The following RBM33 variants were observed in gnomAD, a reference collection of about 807,000 sequenced individuals.
RBM33 encodes the protein RNA binding motif protein 33.
RBM33 carries 28 observed loss-of-function variants against 132.6 expected under a neutral mutation model. The observed-to-expected ratio is 0.21, with a 90% confidence interval of 0.16 to 0.29. RBM33 has a LOEUF of 0.29. RBM33 is among the 10% of genes least tolerant of loss of function. The pLI, the probability that RBM33 is intolerant of heterozygous loss-of-function variation, is 1.00. For missense variants in RBM33, 1,291 were observed against 1,518.5 expected (o/e 0.85, Z 2.49); for synonymous variants, 634 against 593.0 (o/e 1.07, Z -1.01).
intron 1 of RBM33, among the ~76,000 whole-genome samples, chr7:155,662,645 C>G (rs539722787): frequency 4.2e-4 from 64 of 152,208 alleles, no homozygotes; most frequent in Non-Finnish European, 7.8e-4. Flanking sequence ...AGCCCCAGGT[C>G]TCCTCAATTT....
At chr7:155,702,739 T>G (rs1306244503) in intron 6 of RBM33, among the ~76,000 whole-genome samples, 6 of 152,198 alleles carry the variant, frequency 3.9e-5, no homozygotes, top group African/African-American at 1.4e-4. Flanking sequence ...CTTCCTGAAC[T>G]GGGGAGGGAT....
intron 14 of RBM33, among the ~76,000 whole-genome samples, chr7:155,758,370 G>A (rs546934576): frequency 2.0e-5 from 3 of 152,288 alleles, no homozygotes; most frequent in East Asian, 1.9e-4. Context: ...TGGGGTTGGC[G>A]GTGGGGAATG....
intron 7 of RBM33, among the ~76,000 whole-genome samples, chr7:155,708,302 A>G (rs1035392772): frequency 1.2e-4 from 18 of 152,178 alleles, no homozygotes. Flanking sequence ...AGCATCTCTA[A>G]CAGCAGAAAG....
In RBM33 at chr7:155,742,078, C is replaced by G. The variant is rs761914516; in HGVS notation, c.2309C>G (p.Pro770Arg). ...AAGCCAGCTAGCCCTGTGGCTCAAC[C>G]TAAAGAAGAGGCAAAAACAGAAACA... Reference protein sequence around the residue: ...KVKPASPVAQPKEEAKTETEF... With the variant: ...KVKPASPVAQRKEEAKTETEF... Residue 770 changes from proline to arginine, a missense_variant, in exon 13 of 18, where the codon CCT becomes CGT. By Grantham distance (103) the Pro-to-Arg change is moderately radical. This residue lies in a region of RBM33 where 841 missense variants were observed against 912.0 expected (regional missense o/e 0.92). Coordinates refer to ENST00000401878, the MANE Select transcript of RBM33 (RefSeq NM_053043.3). 2.5e-6 allele frequency: 4 copies of G among 1,613,470 alleles called. No individual in the cohort carries two copies. The African/African-American group carries it at 5.3e-5, about 22-fold the overall frequency.
At position 155,764,030 on chromosome 7, in the gene RBM33, T is replaced by C; in HGVS notation, c.3186+12T>C. On this transcript the variant is annotated intron_variant, in intron 15 of 17. Transcript: ENST00000401878. ...ACCCGGCGAAGAAGGTACTGCTTGT[T>C]GCCTCGCACGCAGCCCTGGAAACGC... 2 of 1,507,524 alleles carry C rather than the reference T, an allele frequency of 1.3e-6. No homozygotes were observed. The highest frequency in any genetic ancestry group is 1.8e-6 in the Non-Finnish European group (2 of 1,126,306). 93.4% of individuals were successfully genotyped at this position (1,507,524 alleles called of 1,614,324 possible). A position where few individuals can be genotyped will look rare whatever the true frequency, so the allele number is the denominator to read the frequency against.
chr7:155,686,551 A>G (rs1424172073), intron 5 of RBM33, among the ~76,000 whole-genome samples: 1 of 151,822 alleles, frequency 6.6e-6, no homozygotes, highest in African/African-American at 2.4e-5. Flanking sequence ...ACATATGTAT[A>G]CATGCACCAT....
intron 5 of RBM33, chr7:155,685,168 T>G: frequency 9.1e-7 from 1 of 1,096,730 alleles, no homozygotes; most frequent in Non-Finnish European, 1.3e-6. Flanking sequence ...ACTGTGAGTG[T>G]ATAGTGAAAA....
intron 14 of RBM33, among the ~76,000 whole-genome samples, chr7:155,759,562 C>T (rs10239683): frequency 0.18 from 26,638 of 151,668 alleles, 2,379 homozygotes; most frequent in East Asian, 0.28. Context: ...GGACTACAGG[C>T]GCCCGCCACC....
intron 1 of RBM33, among the ~76,000 whole-genome samples, chr7:155,652,498 ATG>A (rs1798383137): frequency 6.6e-6 from 1 of 152,220 alleles, no homozygotes; most frequent in Non-Finnish European, 1.5e-5. Flanking sequence ...CTAATAGTCT[ATG>A]TGGTATCTTA....
Position 155,711,245 on chromosome 7 carries a change from C to G in RBM33, c.991C>G (p.Pro331Ala), listed in dbSNP as rs779866881. Residue 331 changes from proline (P) to alanine (A), a missense_variant, in exon 8 of 18, where the codon CCG becomes GCG. This residue lies in a region of RBM33 where 146 missense variants were observed against 137.1 expected (regional missense o/e 1.07). Transcript: ENST00000401878. ...PPPPPPPQQQ[P>A]IRSLFQPQPL... ...ACCGCCACCGCCGCCTCAGCAGCAGCCGATCAGAAGCCTGTTCCAGCCGCA... is the reference window on the plus strand; with the variant it reads ...ACCGCCACCGCCGCCTCAGCAGCAGGCGATCAGAAGCCTGTTCCAGCCGCA... 3.1e-6 allele frequency: 5 copies of G among 1,597,386 alleles called. No individual in the cohort carries two copies. The African/African-American group carries it at 6.8e-5, about 22-fold the overall frequency.
rs1191464963 is a variant in RBM33, at chr7:155,779,643, G to C, written c.*4602G>C. On this transcript the variant is annotated 3_prime_UTR_variant, in exon 18 of 18. Transcript: ENST00000401878. ...GTGGTTTGTGTACTGGAACTAAAGCGGAACTCACTGATTCATATTGGATCC... is the reference window on the plus strand; with the variant it reads ...GTGGTTTGTGTACTGGAACTAAAGCCGAACTCACTGATTCATATTGGATCC... 1.3e-5 allele frequency: 2 copies of C among 152,118 alleles called. No individual in the cohort carries two copies. The highest frequency in any genetic ancestry group is 4.8e-5 in the African/African-American group (2 of 41,410). 9.4% of individuals were successfully genotyped at this position (152,118 alleles called of 1,614,324 possible).
intron 6 of RBM33, among the ~76,000 whole-genome samples, chr7:155,703,634 A>G (rs1475850959): frequency 6.6e-6 from 1 of 152,210 alleles, no homozygotes; most frequent in Non-Finnish European, 1.5e-5. Context: ...TGTCCGTCAA[A>G]AGATTGGTTT....
At chr7:155,690,461 A>G (rs1424907216) in intron 5 of RBM33, among the ~76,000 whole-genome samples, 1 of 152,120 alleles carries the variant, frequency 6.6e-6, no homozygotes, top group Non-Finnish European at 1.5e-5. Flanking sequence ...CATTTAGCCC[A>G]TTTACATTTA....
chr7:155,648,520 A>G (rs1798263794), intron 1 of RBM33, among the ~76,000 whole-genome samples: 1 of 152,218 alleles, frequency 6.6e-6, no homozygotes, highest in Non-Finnish European at 1.5e-5. Flanking sequence ...TAGTACTTCA[A>G]CAGGTAAAAT....
At chr7:155,762,663 C>T (rs140087126) in intron 14 of RBM33, among the ~76,000 whole-genome samples, 6 of 152,246 alleles carry the variant, frequency 3.9e-5, no homozygotes, top group South Asian at 2.1e-4. Flanking sequence ...CCCTTTGTTC[C>T]GTTTGGTCTC....
In RBM33 at chr7:155,700,940, T is replaced by C; in HGVS notation, c.735T>C (p.Thr245=). The stretch of plus-strand genomic sequence containing the variant: ...GAGAGAGAAGGAACATTCCAGAAAC[T>C]TTGGGTAACTTTTTTGCCTGTCTCC... The part of the protein sequence containing the change: ...VTRERRNIPE[T]LELSAEAKAA... Residue 245 remains threonine (T), a synonymous_variant, in exon 6 of 18, where the codon ACT becomes ACC. Transcript: ENST00000401878. 6.2e-7 allele frequency: 1 copy of C among 1,610,496 alleles called. No homozygotes were observed. Among genetic ancestry groups the C allele is most frequent in the Admixed American group, 1.7e-5 (1 of 59,722 alleles).
intron 15 of RBM33, among the ~76,000 whole-genome samples, chr7:155,764,465 A>G (rs1563182007): frequency 6.6e-6 from 1 of 152,254 alleles, no homozygotes. Flanking sequence ...GCTCTAGGCC[A>G]CAGTTCCCAG....
chr7:155,690,421 C>G (rs192338776), intron 5 of RBM33, among the ~76,000 whole-genome samples: 4 of 151,792 alleles, frequency 2.6e-5, no homozygotes, highest in Non-Finnish European at 4.4e-5. Context: ...GACTCTACCC[C>G]GTTCGCCAGT....
At chr7:155,752,119 A>G (rs967572179) in intron 14 of RBM33, among the ~76,000 whole-genome samples, 9 of 152,122 alleles carry the variant, frequency 5.9e-5, no homozygotes, top group Non-Finnish European at 1.2e-4. Context: ...TGTTGCCATT[A>G]CTCTTGGAAC....
Sources: gnomAD v4.1 joint callset for allele counts (sites outside exome capture counted in the v4.1 genomes callset) on GRCh38, gnomAD v4.1.1 for gene constraint, gnomAD v4.1.1 regional missense constraint, MANE v1.5 for transcripts, NCBI Gene and HGNC (gene_info 2026-07-23, HGNC 2026-07-21) for gene names.